Variants in RARS1 observed in about 807,000 individuals in gnomAD.
The protein encoded by RARS1 is arginine--tRNA ligase, cytoplasmic.
Under a neutral mutation model 78.7 loss-of-function variants are expected in RARS1, and 75 were observed. The ratio of observed to expected loss-of-function variants is 0.95; its 90% CI spans 0.79 to 1.15. The LOEUF (loss-of-function observed/expected upper bound fraction) is 1.15. Ranked by LOEUF, RARS1 falls within the 50% of genes most tolerant of loss-of-function variation. The pLI is 0.00. For missense variants in RARS1, 787 were observed against 787.5 expected (o/e 1.00, Z 0.01); for synonymous variants, 273 against 268.2 (o/e 1.02, Z -0.18).
At chr5:168,518,778 T>G (rs1030527917) in intron 14 of RARS1, among the ~76,000 whole-genome samples, 1 of 152,202 alleles carries the variant, frequency 6.6e-6, no homozygotes, top group Admixed American at 6.5e-5. Context: ...ATGAGGTTTA[T>G]AGTTATTTCA....
chr5:168,493,766 T>C, intron 3 of RARS1, 128 bp from the exon 4 acceptor site: 1 of 681,770 alleles, frequency 1.5e-6, no homozygotes, highest in Non-Finnish European at 2.5e-6. Flanking sequence ...ATAATGTGAT[T>C]GGACTTCTCT....
chr5:168,494,385 C>T (rs1432671960), intron 4 of RARS1, 165 bp from the exon 5 acceptor site: 9 of 985,228 alleles, frequency 9.1e-6, no homozygotes, highest in African/African-American at 5.2e-5. Context: ...TTGAAGTAGA[C>T]GGTGAGACAG....
At chr5:168,498,507 G>A (rs1010924305) in intron 7 of RARS1, among the ~76,000 whole-genome samples, 1 of 151,916 alleles carries the variant, frequency 6.6e-6, no homozygotes, top group East Asian at 1.9e-4. Context: ...TATAGTTTTT[G>A]TATTATATTT....
chr5:168,518,974 G>T, intron 14 of RARS1, 107 bp from the exon 15 acceptor site: 1 of 769,518 alleles, frequency 1.3e-6, no homozygotes, highest in Non-Finnish European at 2.1e-6. Context: ...ACATCTGTGG[G>T]TTGGACTATG....
intron 8 of RARS1, among the ~76,000 whole-genome samples, chr5:168,501,699 G>A (rs1463819950): frequency 6.6e-6 from 1 of 152,038 alleles, no homozygotes; most frequent in Non-Finnish European, 1.5e-5. Context: ...CTCCAGCCTG[G>A]CTGACAGAGC....
At chr5:168,489,615 A>G (rs1582425888) in intron 2 of RARS1, among the ~76,000 whole-genome samples, 1 of 152,078 alleles carries the variant, frequency 6.6e-6, no homozygotes, top group African/African-American at 2.4e-5. Context: ...AACTTGCTGC[A>G]GTTTTTTGGC....
intron 14 of RARS1, among the ~76,000 whole-genome samples, chr5:168,518,464 A>G (rs186749923): frequency 3.9e-5 from 6 of 152,252 alleles, no homozygotes; most frequent in East Asian, 3.9e-4. Context: ...CTTTTCTACA[A>G]TTAGGCACAT....
chr5:168,506,287 C>A, intron 10 of RARS1, 88 bp downstream of exon 10: 1 of 1,113,060 alleles, frequency 9.0e-7, no homozygotes, highest in Non-Finnish European at 1.3e-6. Context: ...CACTGGATGA[C>A]TGTAAATTTT....
chr5:168,499,940 C>T, intron 7 of RARS1, among the ~76,000 whole-genome samples: 1 of 152,090 alleles, frequency 6.6e-6, no homozygotes, highest in East Asian at 1.9e-4. Flanking sequence ...GTAATCCCAG[C>T]ACTTTGGGAG....
chr5:168,508,404 C>G (rs756868256), intron 11 of RARS1, among the ~76,000 whole-genome samples: 1 of 151,036 alleles, frequency 6.6e-6, no homozygotes, highest in Non-Finnish European at 1.5e-5. Context: ...AGGTGGATCA[C>G]GAGGTGAGGA....
chr5:168,504,782 AC>A (rs1758403324), intron 9 of RARS1, among the ~76,000 whole-genome samples: 1 of 150,954 alleles, frequency 6.6e-6, no homozygotes, highest in African/African-American at 2.4e-5. Context: ...CCGAGATCGC[AC>A]CACTGCACTC....
At chr5:168,498,351 T>C (rs1758244226) in intron 7 of RARS1, among the ~76,000 whole-genome samples, 1 of 152,200 alleles carries the variant, frequency 6.6e-6, no homozygotes, top group Admixed American at 6.5e-5. Context: ...TTTTATGTAT[T>C]TTGATATGAT....
chr5:168,500,851 G>A (rs1164645922), intron 8 of RARS1, 131 bp downstream of exon 8: 11 of 1,154,702 alleles, frequency 9.5e-6, no homozygotes, highest in Non-Finnish European at 9.3e-6. Flanking sequence ...TTTCTTAAAT[G>A]TATTTCTGAA....
intron 2 of RARS1, among the ~76,000 whole-genome samples, chr5:168,489,973 C>T (rs1758048701): frequency 6.6e-6 from 1 of 152,078 alleles, no homozygotes; most frequent in South Asian, 2.1e-4. Flanking sequence ...CACCACCACA[C>T]CTGGTTAATT....
rs1758737418 is a variant in RARS1 at position 168,519,175 on chromosome 5, T to A, written c.1968T>A (p.Pro656=). ...AKGFDILGIK[P]VQRM ...GGTTTGATATCCTGGGAATAAAACC[T>A]GTCCAAAGGATGTAATCCTTCATAG... The change falls in exon 15 of 15, where the codon CCT becomes CCA. Residue 656 remains proline, a synonymous_variant. Coordinates refer to ENST00000231572, the MANE Select transcript of RARS1 (RefSeq NM_002887.4). The A allele has an allele frequency of 1.2e-6, 2 of 1,612,778 alleles. No individual in the cohort carries two copies. Among genetic ancestry groups the A allele is most frequent in the Admixed American group, 1.7e-5 (1 of 59,966 alleles).
At chr5:168,492,010 G>A (rs1267956410) in intron 2 of RARS1, among the ~76,000 whole-genome samples, 3 of 146,682 alleles carry the variant, frequency 2.0e-5, no homozygotes, top group Non-Finnish European at 3.0e-5. Flanking sequence ...AGATGCCAGG[G>A]ACAGGGAAGA....
At chr5:168,506,954 G>A in intron 11 of RARS1, 123 bp downstream of exon 11, 1 of 749,220 alleles carries the variant, frequency 1.3e-6, no homozygotes, top group Non-Finnish European at 2.2e-6. Flanking sequence ...AGCTATAATG[G>A]TGTAAACCCA....
intron 12 of RARS1, 59 bp downstream of exon 12, chr5:168,510,745 T>C (rs1310434553): frequency 1.5e-6 from 2 of 1,325,870 alleles, no homozygotes; most frequent in Non-Finnish European, 2.1e-6. Context: ...TCATTTTTGT[T>C]TTTATTGAGA....
intron 9 of RARS1, among the ~76,000 whole-genome samples, chr5:168,503,895 A>T (rs1041504757): frequency 6.6e-6 from 1 of 151,806 alleles, no homozygotes; most frequent in Non-Finnish European, 1.5e-5. Flanking sequence ...ACATAGCAGG[A>T]CCCTTTCTCT....
Sources: allele counts gnomAD v4.1 joint callset (sites outside exome capture counted in the v4.1 genomes callset), GRCh38; gene constraint gnomAD v4.1.1; transcripts MANE v1.5; gene names NCBI Gene and HGNC (gene_info 2026-07-23, HGNC 2026-07-21).